Variants in RAPGEF6 observed in about 807,000 individuals in gnomAD.
RAPGEF6 encodes PDZ domain containing guanine nucleotide exchange factor (GEF) 2.
Under a neutral mutation model 171.4 loss-of-function variants are expected in RAPGEF6, and 56 were observed. The observed-to-expected ratio is 0.33, with a 90% CI of 0.26 to 0.41. The LOEUF (loss-of-function observed/expected upper bound fraction) is 0.41, where lower values mean the gene tolerates loss of function less well. Among genes scored for constraint, RAPGEF6 ranks in the 10% least tolerant of loss-of-function variants. RAPGEF6 has a pLI of 1.00. For missense variants in RAPGEF6, 1,674 were observed against 1,921.4 expected (o/e 0.87, Z 2.41); for synonymous variants, 692 against 650.1 (o/e 1.06, Z -0.98).
At chr5:131,570,546 A>T (rs565243630) in intron 4 of RAPGEF6, among the ~76,000 whole-genome samples, 1 of 152,350 alleles carries the variant, frequency 6.6e-6, no homozygotes, top group South Asian at 2.1e-4. Flanking sequence ...AATTAAAACT[A>T]AAATTTTCAA....
intron 4 of RAPGEF6, among the ~76,000 whole-genome samples, chr5:131,577,892 C>T (rs1418454371): frequency 6.6e-6 from 1 of 152,156 alleles, no homozygotes; most frequent in Non-Finnish European, 1.5e-5. Flanking sequence ...TCTATTCGTC[C>T]TTACCCTACT....
At chr5:131,570,041 C>CAA (rs34729268) in intron 4 of RAPGEF6, among the ~76,000 whole-genome samples, 696 of 27,490 alleles carry the variant, frequency 0.025, 253 homozygotes, top group African/African-American at 0.048. Flanking sequence ...GACTCTGTCT[C>CAA]AAAAAAAAAA....
intron 23 of RAPGEF6, 56 bp downstream of exon 23, chr5:131,442,293 C>A: frequency 6.8e-7 from 1 of 1,479,424 alleles, no homozygotes; most frequent in Non-Finnish European, 9.2e-7. Flanking sequence ...ATTTTTCACT[C>A]TAACTCCCCT....
intron 6 of RAPGEF6, among the ~76,000 whole-genome samples, chr5:131,538,382 T>A (rs1759913660): frequency 6.6e-6 from 1 of 152,198 alleles, no homozygotes; most frequent in Admixed American, 6.5e-5. Context: ...TCCCAGGCTA[T>A]GAACCTGCTC....
intron 17 of RAPGEF6, among the ~76,000 whole-genome samples, chr5:131,471,651 T>C (rs1273734810): frequency 2.6e-5 from 4 of 152,196 alleles, no homozygotes; most frequent in Non-Finnish European, 5.9e-5. Context: ...GATGGATATA[T>C]AATTATTCAA....
chr5:131,531,969 G>T, intron 6 of RAPGEF6: 2 of 282,276 alleles, frequency 7.1e-6, no homozygotes, highest in Non-Finnish European at 1.4e-5. Context: ...AAAAAAAATG[G>T]CAATGAGAAA....
rs372724492 is a variant in RAPGEF6 at position 131,623,734 on chromosome 5, C to T, written c.69+11228G>A. Among the ~76,000 whole-genome samples the T allele has an allele frequency of 3.3e-3, 508 of 152,278 alleles. 2 individuals carry two copies. Among genetic ancestry groups the T allele is most frequent in the African/African-American group, 0.012 (487 of 41,564 alleles). On this transcript the variant is annotated intron_variant, in intron 1 of 27. Coordinates refer to ENST00000509018, the MANE Select transcript of RAPGEF6 (RefSeq NM_016340.6). ...TCCTGACCTCAGGGGATCTGCCCGC[C>T]TCGGCCTCCCAAAGTGCTGGGATTA... is the stretch of plus-strand genomic sequence containing the variant.
chr5:131,614,167 A>G (rs1346635079), intron 1 of RAPGEF6, among the ~76,000 whole-genome samples: 2 of 151,070 alleles, frequency 1.3e-5, no homozygotes, highest in Non-Finnish European at 2.9e-5. Context: ...CTGTAATCCC[A>G]GCTACTTGGG....
At chr5:131,563,777 T>A (rs1183536632) in intron 4 of RAPGEF6, among the ~76,000 whole-genome samples, 1 of 152,120 alleles carries the variant, frequency 6.6e-6, no homozygotes, top group African/African-American at 2.4e-5. Flanking sequence ...AGTGCTAGGA[T>A]TACAGGCGTG....
At chr5:131,480,258 G>T (rs1755382505) in intron 15 of RAPGEF6, among the ~76,000 whole-genome samples, 1 of 152,094 alleles carries the variant, frequency 6.6e-6, no homozygotes, top group South Asian at 2.1e-4. Context: ...CCTGCGTATG[G>T]CTCTGAAGAA....
intron 4 of RAPGEF6, among the ~76,000 whole-genome samples, chr5:131,568,894 G>A (rs1284524143): frequency 6.6e-6 from 1 of 151,776 alleles, no homozygotes; most frequent in Non-Finnish European, 1.5e-5. Flanking sequence ...AAGGTCACAG[G>A]ATATAAGATC....
chr5:131,470,500 A>G (rs1754667326), intron 17 of RAPGEF6, among the ~76,000 whole-genome samples: 1 of 152,170 alleles, frequency 6.6e-6, no homozygotes, highest in Non-Finnish European at 1.5e-5. Context: ...CCTCAGCCCC[A>G]CATCCTACAT....
rs550154400 is a variant in RAPGEF6 at position 131,465,310 on chromosome 5, C to A, written c.2240-1029G>T. On this transcript the variant is annotated intron_variant, in intron 17 of 27. Coordinates refer to ENST00000509018, the MANE Select transcript of RAPGEF6 (RefSeq NM_016340.6). ...GCACATGTAAATAATAATATTCCAC[C>A]CCCCCTTGTTCTATCTTATTTCTTT... is the stretch of plus-strand genomic sequence containing the variant. Among the ~76,000 whole-genome samples, 10 of 151,846 alleles carry A rather than the reference C, an allele frequency of 6.6e-5. No individual in the cohort carries two copies. The South Asian group carries it at 2.1e-3, about 32-fold the overall frequency.
chr5:131,522,302 A>G (rs1218676127), intron 6 of RAPGEF6, among the ~76,000 whole-genome samples: 1 of 152,236 alleles, frequency 6.6e-6, no homozygotes, highest in African/African-American at 2.4e-5. Context: ...AATTAAGACA[A>G]TAAACAAACC....
intron 4 of RAPGEF6, among the ~76,000 whole-genome samples, chr5:131,572,366 C>T (rs1459752255): frequency 6.6e-6 from 1 of 152,188 alleles, no homozygotes; most frequent in Non-Finnish European, 1.5e-5. Context: ...CCTCTCTCGC[C>T]TCCCTTCAAT....
At chr5:131,547,159 C>T (rs1016144354) in intron 6 of RAPGEF6, among the ~76,000 whole-genome samples, 10 of 152,170 alleles carry the variant, frequency 6.6e-5, no homozygotes, top group African/African-American at 2.4e-4. Flanking sequence ...AACACTTATT[C>T]CAGTACAAAC....
rs745425032 is a variant in RAPGEF6 at position 131,427,251 on chromosome 5, T to C, written c.*15A>G. 3.7e-6 allele frequency: 6 copies of C among 1,607,056 alleles called. No homozygotes were observed. Among genetic ancestry groups the C allele is most frequent in the South Asian group, 1.1e-5 (1 of 90,886 alleles). ...TCCACGACTTTCAGTGGTTTTCAAATAGGTCATCCAAAGGCTAGACTGCTG... is the reference window on the plus strand; with the variant it reads ...TCCACGACTTTCAGTGGTTTTCAAACAGGTCATCCAAAGGCTAGACTGCTG... On this transcript the variant is annotated 3_prime_UTR_variant, in exon 28 of 28. Coordinates refer to ENST00000509018, the MANE Select transcript of RAPGEF6 (RefSeq NM_016340.6).
At chr5:131,534,450 T>C (rs1759617483) in intron 6 of RAPGEF6, among the ~76,000 whole-genome samples, 1 of 152,142 alleles carries the variant, frequency 6.6e-6, no homozygotes, top group Non-Finnish European at 1.5e-5. Context: ...CTTTTAAGAA[T>C]GTTTTTCTGC....
rs535600730 is a variant in RAPGEF6, at chr5:131,511,472, A to G, written c.628-981T>C. Among the ~76,000 whole-genome samples, 13 of 147,582 alleles carry G rather than the reference A, an allele frequency of 8.8e-5. 1 individual carries two copies. In the South Asian group the frequency reaches 2.1e-3, roughly 24 times the overall value. ...AACATTTACCCTTTTTTACTGCCAA[A>G]AAGATCATCTTTTTTTTTTTTTTTT... On this transcript the variant is annotated intron_variant, in intron 7 of 27. Transcript: ENST00000509018.
Sources: allele counts gnomAD v4.1 joint callset (sites outside exome capture counted in the v4.1 genomes callset), GRCh38; gene constraint gnomAD v4.1.1; transcripts MANE v1.5; gene names NCBI Gene and HGNC (gene_info 2026-07-23, HGNC 2026-07-21).